Variants in TMEM163 observed in about 807,000 individuals in gnomAD.
TMEM163 encodes the protein transmembrane protein 163.
Under a neutral mutation model 29.3 loss-of-function variants are expected in TMEM163, and 17 were observed. The observed-to-expected ratio is 0.58, with a 90% CI of 0.40 to 0.87. The LOEUF is 0.87. Ranked by LOEUF, TMEM163 falls within the 40% of genes least tolerant of loss-of-function variation. TMEM163 has a pLI of 0.00. For missense variants in TMEM163, 303 were observed against 381.5 expected (o/e 0.79, Z 1.71); for synonymous variants, 157 against 160.6 (o/e 0.98, Z 0.17).
At chr2:134,584,351 C>G (rs1187193741) in intron 2 of TMEM163, among the ~76,000 whole-genome samples, 1 of 152,188 alleles carries the variant, frequency 6.6e-6, no homozygotes, top group African/African-American at 2.4e-5. Context: ...GACTCACTGC[C>G]CAGCCATGGT....
intron 2 of TMEM163, among the ~76,000 whole-genome samples, chr2:134,675,590 GAA>G (rs201033571): frequency 6.7e-6 from 1 of 149,730 alleles, no homozygotes; most frequent in Admixed American, 6.6e-5. Flanking sequence ...TTCCCTGTCT[GAA>G]AAAAAAATGA....
intron 4 of TMEM163, among the ~76,000 whole-genome samples, chr2:134,506,604 A>T (rs140153706): frequency 2.8e-4 from 42 of 152,262 alleles, no homozygotes; most frequent in African/African-American, 9.9e-4. Context: ...CAGAAATAGA[A>T]TCCCATTCAA....
intron 6 of TMEM163, among the ~76,000 whole-genome samples, chr2:134,461,653 G>A (rs1486173844): frequency 6.6e-6 from 1 of 152,232 alleles, no homozygotes; most frequent in African/African-American, 2.4e-5. Context: ...GTGAAGTGGG[G>A]AAGTCTGGAA....
intron 2 of TMEM163, among the ~76,000 whole-genome samples, chr2:134,612,358 G>A (rs1210169570): frequency 6.6e-6 from 1 of 152,148 alleles, no homozygotes; most frequent in African/African-American, 2.4e-5. Context: ...GGGGCCTTTG[G>A]AAAGCTCTAA....
intron 2 of TMEM163, among the ~76,000 whole-genome samples, chr2:134,583,950 A>C (rs1681754526): frequency 6.6e-6 from 1 of 151,998 alleles, no homozygotes; most frequent in Admixed American, 6.6e-5. Context: ...CATCCCTCAC[A>C]ATCTAATATG....
At chr2:134,661,140 AAC>A in intron 2 of TMEM163, among the ~76,000 whole-genome samples, 1 of 142,654 alleles carries the variant, frequency 7.0e-6, no homozygotes, top group Admixed American at 7.0e-5. Flanking sequence ...CACACATACA[AAC>A]ACACACACAG....
intron 4 of TMEM163, among the ~76,000 whole-genome samples, chr2:134,529,609 C>T (rs13021638): frequency 0.23 from 35,241 of 151,186 alleles, 4,645 homozygotes; most frequent in Middle Eastern, 0.37. Context: ...AAAAATTGGC[C>T]GGGCATGGTG....
intron 4 of TMEM163, among the ~76,000 whole-genome samples, chr2:134,514,403 TTTTTA>T (rs1251666572): frequency 0.033 from 3,999 of 122,610 alleles, 54 homozygotes; most frequent in South Asian, 0.053. Flanking sequence ...TTTTTTTTTT[TTTTTA>T]AAAAAAGAGG....
chr2:134,692,827 A>G (rs562291759), intron 2 of TMEM163, among the ~76,000 whole-genome samples: 35 of 152,222 alleles, frequency 2.3e-4, no homozygotes, highest in African/African-American at 8.2e-4. Flanking sequence ...ACAGCTTCAC[A>G]TATTTATTTT....
At chr2:134,526,029 G>A (rs529340939) in intron 4 of TMEM163, among the ~76,000 whole-genome samples, 7 of 152,322 alleles carry the variant, frequency 4.6e-5, no homozygotes, top group African/African-American at 1.7e-4. Flanking sequence ...CACAGCTGGA[G>A]AACTGGCTCA....
intron 2 of TMEM163, among the ~76,000 whole-genome samples, chr2:134,700,727 C>G (rs941319934): frequency 1.3e-5 from 2 of 151,928 alleles, no homozygotes; most frequent in Non-Finnish European, 2.9e-5. Context: ...GGTGAAACCC[C>G]ATCTCTACTA....
intron 1 of TMEM163, among the ~76,000 whole-genome samples, chr2:134,716,289 G>A (rs143401027): frequency 6.6e-6 from 1 of 152,200 alleles, no homozygotes; most frequent in African/African-American, 2.4e-5. Flanking sequence ...AGGCCACAGA[G>A]CTCTTGCTCC....
intron 5 of TMEM163, among the ~76,000 whole-genome samples, chr2:134,483,761 CT>C (rs957304549): frequency 3.2e-4 from 48 of 152,266 alleles, no homozygotes; most frequent in Admixed American, 1.0e-3. Context: ...GTACGACGCT[CT>C]TTTTTTAAAA....
chr2:134,549,960 C>A (rs539198979), intron 4 of TMEM163, among the ~76,000 whole-genome samples: 2 of 152,290 alleles, frequency 1.3e-5, no homozygotes. Context: ...AGAGCAGTTA[C>A]TGGCTTCCAT....
intron 2 of TMEM163, among the ~76,000 whole-genome samples, chr2:134,595,371 T>C (rs961339141): frequency 6.6e-6 from 1 of 152,254 alleles, no homozygotes; most frequent in Non-Finnish European, 1.5e-5. Flanking sequence ...AGTGTTTGGT[T>C]TTTTTGTCCT....
At chr2:134,487,624 A>G (rs1223213964) in intron 5 of TMEM163, among the ~76,000 whole-genome samples, 2 of 152,238 alleles carry the variant, frequency 1.3e-5, no homozygotes, top group Non-Finnish European at 2.9e-5. Flanking sequence ...AAAGATGGTG[A>G]CCAAACATTA....
chr2:134,602,719 C>G (rs1332464138), intron 2 of TMEM163, among the ~76,000 whole-genome samples: 1 of 152,150 alleles, frequency 6.6e-6, no homozygotes, highest in Non-Finnish European at 1.5e-5. Context: ...TAACCTTTAT[C>G]TTACTGGATA....
intron 4 of TMEM163, among the ~76,000 whole-genome samples, chr2:134,518,232 G>A (rs561764420): frequency 6.6e-6 from 1 of 152,310 alleles, no homozygotes; most frequent in African/African-American, 2.4e-5. Flanking sequence ...TCATCTTAGA[G>A]CTTTCACCTA....
intron 2 of TMEM163, among the ~76,000 whole-genome samples, chr2:134,588,735 A>G (rs1041533357): frequency 6.6e-6 from 1 of 152,168 alleles, no homozygotes; most frequent in Admixed American, 6.5e-5. Context: ...AATGTACACA[A>G]TGAAAGGTTT....
Sources: gnomAD v4.1 joint callset for allele counts (sites outside exome capture counted in the v4.1 genomes callset) on GRCh38, gnomAD v4.1.1 for gene constraint, MANE v1.5 for transcripts, NCBI Gene and HGNC (gene_info 2026-07-23, HGNC 2026-07-21) for gene names.